The following GPAT4 variants were observed in gnomAD, a reference collection of about 807,000 sequenced individuals.
GPAT4 encodes 1-AGP acyltransferase 6.
GPAT4 carries 17 observed loss-of-function variants against 58.0 expected under a neutral mutation model. That is an observed-to-expected ratio of 0.29 (90% confidence interval 0.20 to 0.44). GPAT4 has a LOEUF of 0.44. Among genes scored for constraint, GPAT4 ranks in the 20% least tolerant of loss-of-function variants. The pLI is 1.00. For missense variants in GPAT4, 377 were observed against 574.5 expected, an observed-to-expected ratio of 0.66 and a Z score of 3.51; for synonymous variants, 204 against 210.1, an observed-to-expected ratio of 0.97 and a Z score of 0.25.
Position 41,623,173 on chromosome 8 carries a change from G to C in GPAT4, c.*2172G>C, listed in dbSNP as rs1347765452. 2 of 152,204 alleles carry C rather than the reference G, an allele frequency of 1.3e-5. No individual in the cohort carries two copies. Among genetic ancestry groups the C allele is most frequent in the Non-Finnish European group, 2.9e-5 (2 of 68,062 alleles). The allele number at this position is 152,204 out of a possible 1,614,324, so 9.4% of individuals were successfully genotyped here. On this transcript the variant is annotated 3_prime_UTR_variant, in exon 13 of 13. Transcript: ENST00000396987. ...CTGTGCGGGCCGGGCAGTGAGGAGAGCACTGATTCACGCCTGCAGAAACGT... is the reference window on the plus strand; with the variant it reads ...CTGTGCGGGCCGGGCAGTGAGGAGACCACTGATTCACGCCTGCAGAAACGT...
Position 41,598,929 on chromosome 8 carries a change from G to A in GPAT4, c.-211G>A, listed in dbSNP as rs762913166. The A allele has an allele frequency of 4.3e-5, 26 of 606,010 alleles. No homozygotes were observed. Among genetic ancestry groups the A allele is most frequent in the Admixed American group, 6.5e-5 (2 of 30,564 alleles). 37.5% of individuals were successfully genotyped at this position (606,010 alleles called of 1,614,324 possible). On this transcript the variant is annotated 5_prime_UTR_variant, in exon 2 of 13. Transcript: ENST00000396987. ...TCCATCCATTCTGGAGAGACCTGGC[G>A]TTTGCAGTTGCCTCCTGTGGCCGTG...
At chr8:41,605,221 T>G (rs1407008620) in intron 2 of GPAT4, among the ~76,000 whole-genome samples, 1 of 152,198 alleles carries the variant, frequency 6.6e-6, no homozygotes, top group Non-Finnish European at 1.5e-5. Context: ...TGCCGCCTCT[T>G]GAGGTTTGTG....
intron 1 of GPAT4, among the ~76,000 whole-genome samples, chr8:41,583,861 A>G (rs1035477215): frequency 4.6e-5 from 7 of 152,218 alleles, no homozygotes; most frequent in African/African-American, 1.7e-4. Flanking sequence ...GAGATGAACA[A>G]AAAAGTCTGC....
intron 1 of GPAT4, among the ~76,000 whole-genome samples, chr8:41,580,105 C>A (rs1355645588): frequency 1.3e-5 from 2 of 152,116 alleles, no homozygotes; most frequent in Non-Finnish European, 2.9e-5. Flanking sequence ...TTTGGATAGG[C>A]GAACATGAGC....
At chr8:41,579,910 C>A (rs527262054) in intron 1 of GPAT4, among the ~76,000 whole-genome samples, 3 of 152,214 alleles carry the variant, frequency 2.0e-5, no homozygotes, top group African/African-American at 7.2e-5. Context: ...TCAATGTTTT[C>A]ATTTTTTTCT....
intron 1 of GPAT4, among the ~76,000 whole-genome samples, chr8:41,596,191 C>T (rs940395228): frequency 2.0e-5 from 3 of 152,058 alleles, no homozygotes; most frequent in Non-Finnish European, 4.4e-5. Flanking sequence ...AACGTAGTTC[C>T]TAGTGGGGTG....
chr8:41,585,380 T>G (rs1034360912), intron 1 of GPAT4, among the ~76,000 whole-genome samples: 2 of 151,100 alleles, frequency 1.3e-5, no homozygotes, highest in Non-Finnish European at 3.0e-5. Context: ...TTACCAGCCA[T>G]TCCGTAACTT....
intron 2 of GPAT4, among the ~76,000 whole-genome samples, chr8:41,602,237 C>G (rs145278288): frequency 6.6e-6 from 1 of 152,196 alleles, no homozygotes; most frequent in East Asian, 1.9e-4. Flanking sequence ...GGATTACAGG[C>G]GTGAGCCACC....
chr8:41,601,457 C>T (rs1448360106), intron 2 of GPAT4, among the ~76,000 whole-genome samples: 1 of 152,142 alleles, frequency 6.6e-6, no homozygotes, highest in African/African-American at 2.4e-5. Context: ...TACACCTGGG[C>T]CCTTTTACCA....
chr8:41,590,332 C>G (rs1237633295), intron 1 of GPAT4, among the ~76,000 whole-genome samples: 1 of 152,232 alleles, frequency 6.6e-6, no homozygotes, highest in Non-Finnish European at 1.5e-5. Context: ...GGTGATCCAC[C>G]TGCCTCAGCC....
intron 1 of GPAT4, among the ~76,000 whole-genome samples, chr8:41,594,501 G>A (rs1802869171): frequency 6.7e-6 from 1 of 149,002 alleles, no homozygotes; most frequent in African/African-American, 2.5e-5. Context: ...CACAACTTTC[G>A]CAGACAATTC....
At chr8:41,592,956 AT>A (rs1802833611) in intron 1 of GPAT4, among the ~76,000 whole-genome samples, 1 of 152,042 alleles carries the variant, frequency 6.6e-6, no homozygotes, top group South Asian at 2.1e-4. Context: ...GATCCTTTTC[AT>A]TTTTTATCCA....
In GPAT4 at chr8:41,618,805, C is replaced by G. The variant is rs1384862026; in HGVS notation, c.1175C>G (p.Thr392Ser). ...VCSVWYLPPM[T>S]READEDAVQF... Reference sequence around the variant, plus strand: ...AGCGTGTGGTACCTGCCTCCCATGACTAGAGAGGTGAGTGCCTGCCCCAGG... The same window carrying G: ...AGCGTGTGGTACCTGCCTCCCATGAGTAGAGAGGTGAGTGCCTGCCCCAGG... Residue 392 changes from threonine (T) to serine (S), a missense_variant, in exon 11 of 13, where the codon ACT becomes AGT. Physicochemically the swap from Thr to Ser is moderately conservative, Grantham distance 58. Coordinates refer to ENST00000396987, the MANE Select transcript of GPAT4 (RefSeq NM_178819.4). 1 of 1,614,114 alleles carries G rather than the reference C, an allele frequency of 6.2e-7. No individual in the cohort carries two copies.
rs779096054 is a variant in GPAT4, at chr8:41,611,948, G to C, written c.657G>C (p.Arg219=). ...MSKHVHLMCY[R]ICVRALTAII... Reference sequence around the variant, plus strand: ...AACATGTTCACTTAATGTGTTACCGGATCTGCGTGCGAGCGCTGACAGCCA... The same window carrying C: ...AACATGTTCACTTAATGTGTTACCGCATCTGCGTGCGAGCGCTGACAGCCA... The change falls in exon 6 of 13, where the codon CGG becomes CGC. Residue 219 remains arginine (R), a synonymous_variant. Transcript: ENST00000396987. 1 of 1,614,164 alleles carries C rather than the reference G, an allele frequency of 6.2e-7. No homozygotes were observed. The highest frequency in any genetic ancestry group is 1.3e-5 in the African/African-American group (1 of 75,038).
intron 1 of GPAT4, among the ~76,000 whole-genome samples, chr8:41,583,227 A>G (rs1802569039): frequency 1.3e-5 from 2 of 151,668 alleles, no homozygotes; most frequent in African/African-American, 4.9e-5. Flanking sequence ...TGTCTCAAAA[A>G]AAAAATAATA....
Position 41,610,805 on chromosome 8 carries a change from T to C in GPAT4, c.606T>C (p.Asn202=). The change falls in exon 5 of 13, where the codon AAT becomes AAC. Residue 202 remains asparagine (N), a synonymous_variant. Coordinates refer to ENST00000396987, the MANE Select transcript of GPAT4 (RefSeq NM_178819.4). The part of the protein sequence containing the change: ...VGTTVVGYLP[N]GRFKEFMSKH... The stretch of plus-strand genomic sequence containing the variant: ...CAACTGTGGTGGGATACTTGCCAAA[T>C]GGGAGGTGAGTAGAGTGTGGCAGTC... 6.2e-7 allele frequency: 1 copy of C among 1,610,806 alleles called. No individual in the cohort carries two copies. The highest frequency in any genetic ancestry group is 8.5e-7 in the Non-Finnish European group (1 of 1,178,188).
intron 1 of GPAT4, among the ~76,000 whole-genome samples, chr8:41,594,379 T>G (rs1045249315): frequency 3.9e-5 from 6 of 152,194 alleles, no homozygotes; most frequent in Non-Finnish European, 8.8e-5. Context: ...ATATTTTACT[T>G]TCCTAATATA....
At chr8:41,578,582 T>A (rs2150475678) in intron 1 of GPAT4, 1 of 151,782 alleles carries the variant, frequency 6.6e-6, no homozygotes, top group Non-Finnish European at 1.5e-5. Context: ...AAGTCCCAGG[T>A]GTGCGCAGCC....
chr8:41,583,878 G>T (rs1382012249), intron 1 of GPAT4, among the ~76,000 whole-genome samples: 2 of 152,120 alleles, frequency 1.3e-5, no homozygotes, highest in South Asian at 4.1e-4. Context: ...CTGCTGTCAC[G>T]AATTTGTGCG....
Sources: allele counts gnomAD v4.1 joint callset (sites outside exome capture counted in the v4.1 genomes callset), GRCh38; gene constraint gnomAD v4.1.1; transcripts MANE v1.5; gene names NCBI Gene and HGNC (gene_info 2026-07-23, HGNC 2026-07-21).